Variants in MOB3B observed in about 807,000 individuals in gnomAD.
The protein encoded by MOB3B is MOB kinase activator-like 2B.
A neutral mutation model predicts 18.7 loss-of-function variants in MOB3B; 7 were observed. The observed-to-expected ratio is 0.37, with a 90% CI of 0.21 to 0.70. The LOEUF (loss-of-function observed/expected upper bound fraction) is 0.70, where lower values mean the gene tolerates loss of function less well. MOB3B is among the 30% of genes least tolerant of loss of function. The probability of loss-of-function intolerance (pLI) is 0.52; values close to 1 mark genes in which losing one functional copy is unlikely to be tolerated. For missense variants in MOB3B, 253 were observed against 281.3 expected, an observed-to-expected ratio of 0.90 and a Z score of 0.72; for synonymous variants, 111 against 99.9, an observed-to-expected ratio of 1.11 and a Z score of -0.66.
At chr9:27,516,196 T>A (rs1238199343) in intron 1 of MOB3B, among the ~76,000 whole-genome samples, 1 of 152,232 alleles carries the variant, frequency 6.6e-6, no homozygotes, top group Non-Finnish European at 1.5e-5. Flanking sequence ...TTCCAGACTC[T>A]AGGACTATGA....
chr9:27,431,043 A>G (rs1822409780), intron 2 of MOB3B, among the ~76,000 whole-genome samples: 1 of 152,190 alleles, frequency 6.6e-6, no homozygotes, highest in Non-Finnish European at 1.5e-5. Flanking sequence ...CCACTTGTAA[A>G]TGACTGCGAT....
At chr9:27,426,827 C>T (rs545988651) in intron 2 of MOB3B, among the ~76,000 whole-genome samples, 1 of 152,270 alleles carries the variant, frequency 6.6e-6, no homozygotes, top group Admixed American at 6.5e-5. Context: ...CAGAATAATC[C>T]CCGCCTCCCA....
intron 3 of MOB3B, among the ~76,000 whole-genome samples, chr9:27,332,287 A>C (rs1820800804): frequency 6.6e-6 from 1 of 152,336 alleles, no homozygotes; most frequent in African/African-American, 2.4e-5. Context: ...CACTGCACCC[A>C]GCTTTTGGCT....
chr9:27,338,701 G>C (rs1003400714), intron 3 of MOB3B, among the ~76,000 whole-genome samples: 1 of 152,238 alleles, frequency 6.6e-6, no homozygotes, highest in African/African-American at 2.4e-5. Context: ...GGCACAGGGA[G>C]GCCACTGTGT....
intron 1 of MOB3B, among the ~76,000 whole-genome samples, chr9:27,488,910 C>G (rs1819772376): frequency 6.6e-6 from 1 of 152,210 alleles, no homozygotes; most frequent in African/African-American, 2.4e-5. Context: ...TGGCATAGGG[C>G]TATACCATTA....
At chr9:27,416,999 G>A (rs1293839022) in intron 2 of MOB3B, among the ~76,000 whole-genome samples, 1 of 152,142 alleles carries the variant, frequency 6.6e-6, no homozygotes, top group African/African-American at 2.4e-5. Context: ...AAGAAACAAT[G>A]TTATTGGGAT....
intron 3 of MOB3B, among the ~76,000 whole-genome samples, chr9:27,354,929 T>C (rs1222376912): frequency 6.6e-6 from 1 of 152,200 alleles, no homozygotes; most frequent in Non-Finnish European, 1.5e-5. Context: ...TTGTCTCACT[T>C]AGCTAACATT....
intron 2 of MOB3B, among the ~76,000 whole-genome samples, chr9:27,452,587 A>T (rs925580153): frequency 2.0e-5 from 3 of 152,204 alleles, no homozygotes; most frequent in East Asian, 3.8e-4. Context: ...TGGGCAAAGG[A>T]TCTGACATAT....
intron 2 of MOB3B, among the ~76,000 whole-genome samples, chr9:27,408,428 T>A (rs1822018716): frequency 6.6e-6 from 1 of 152,206 alleles, no homozygotes; most frequent in South Asian, 2.1e-4. Context: ...GGGCACGTAT[T>A]TTCTACCAAC....
rs149073262 is a variant in MOB3B at position 27,410,480 on chromosome 9, A to ATT, written c.418+44651_418+44652dup. On this transcript the variant is annotated intron_variant, in intron 2 of 3. Transcript: ENST00000262244. ...CTAGCTAGGAAATTGCCTAGAAAAG[A>ATT]TTTTTTTTTTTTCCTTGAGTTTCTG... Among the ~76,000 whole-genome samples the ATT allele has an allele frequency of 1.7e-3, 249 of 147,666 alleles. 1 individual carries two copies. The highest frequency in any genetic ancestry group is 5.5e-3 in the African/African-American group (223 of 40,426).
intron 2 of MOB3B, among the ~76,000 whole-genome samples, chr9:27,432,056 C>A (rs1184808703): frequency 6.6e-6 from 1 of 152,158 alleles, no homozygotes; most frequent in Non-Finnish European, 1.5e-5. Flanking sequence ...ATCAGACGAT[C>A]AACTACCATG....
At chr9:27,476,268 C>T (rs141219726) in intron 1 of MOB3B, among the ~76,000 whole-genome samples, 1 of 152,312 alleles carries the variant, frequency 6.6e-6, no homozygotes, top group Non-Finnish European at 1.5e-5. Context: ...GTTTTGGAGA[C>T]AAGAAATCTG....
At chr9:27,431,283 A>G (rs963229668) in intron 2 of MOB3B, among the ~76,000 whole-genome samples, 9 of 152,204 alleles carry the variant, frequency 5.9e-5, no homozygotes, top group African/African-American at 1.7e-4. Flanking sequence ...GAGATGTAAC[A>G]TGTGGTTTTA....
intron 1 of MOB3B, among the ~76,000 whole-genome samples, chr9:27,476,999 G>A (rs772653221): frequency 1.1e-4 from 17 of 152,022 alleles, no homozygotes; most frequent in South Asian, 2.1e-4. Context: ...CCTCCCTCCC[G>A]TCTTCTTCAC....
intron 1 of MOB3B, among the ~76,000 whole-genome samples, chr9:27,466,406 G>T (rs557850579): frequency 2.2e-4 from 33 of 152,250 alleles, no homozygotes; most frequent in African/African-American, 7.5e-4. Context: ...TCTTTAGGAG[G>T]TTCCAAACTT....
intron 1 of MOB3B, among the ~76,000 whole-genome samples, chr9:27,509,827 C>T (rs1820116006): frequency 6.6e-6 from 1 of 152,134 alleles, no homozygotes; most frequent in Non-Finnish European, 1.5e-5. Flanking sequence ...TGGGTTCAAG[C>T]GATCCTCCTG....
intron 2 of MOB3B, among the ~76,000 whole-genome samples, chr9:27,393,706 T>G (rs1821761333): frequency 6.6e-6 from 1 of 152,170 alleles, no homozygotes; most frequent in Non-Finnish European, 1.5e-5. Context: ...CCACATTTTA[T>G]TCCTCACAAC....
At chr9:27,383,139 C>T (rs926905345) in intron 2 of MOB3B, among the ~76,000 whole-genome samples, 2 of 151,930 alleles carry the variant, frequency 1.3e-5, no homozygotes, top group African/African-American at 4.8e-5. Context: ...CCCAGCCTAC[C>T]CATGTTCACA....
Position 27,328,239 on chromosome 9 carries a change from G to C in MOB3B, c.*2348C>G, listed in dbSNP as rs1223624181. On this transcript the variant is annotated 3_prime_UTR_variant, in exon 4 of 4. Transcript: ENST00000262244. ...TAGGACAGGTTAGGAAGAAGAAGGA[G>C]GGTTGTCAGTCTCTGACCCAGAGGG... 6.6e-6 allele frequency: 1 copy of C among 152,140 alleles called. No individual in the cohort carries two copies. The highest frequency in any genetic ancestry group is 1.9e-4 in the East Asian group (1 of 5,190). 9.4% of individuals were successfully genotyped at this position (152,140 alleles called of 1,614,324 possible). A position where few individuals can be genotyped will look rare whatever the true frequency, so the allele number is the denominator to read the frequency against.
Sources: allele counts gnomAD v4.1 joint callset (sites outside exome capture counted in the v4.1 genomes callset), GRCh38; gene constraint gnomAD v4.1.1; transcripts MANE v1.5; gene names NCBI Gene and HGNC (gene_info 2026-07-23, HGNC 2026-07-21).